The following TNPO1 variants were observed in gnomAD, a reference collection of about 807,000 sequenced individuals.
The protein encoded by TNPO1 is transportin-1.
TNPO1 carries 8 observed loss-of-function variants against 119.5 expected under a neutral mutation model. That is an observed-to-expected ratio of 0.07 (90% confidence interval 0.04 to 0.12). The LOEUF is 0.12. TNPO1 is among the 10% of genes least tolerant of loss of function. The pLI, the probability that TNPO1 is intolerant of heterozygous loss-of-function variation, is 1.00. For missense variants in TNPO1, 576 were observed against 1,089.8 expected (o/e 0.53, Z 6.64); for synonymous variants, 362 against 363.0 (o/e 1.00, Z 0.03).
At chr5:72,903,591 A>T (rs1388954867) in intron 22 of TNPO1, 118 bp from the exon 23 acceptor site, 3 of 667,332 alleles carry the variant, frequency 4.5e-6, no homozygotes, top group African/African-American at 1.8e-5. Context: ...TTAATTTTTA[A>T]ATGTTTCCTT....
chr5:72,837,068 C>G (rs1223199381), intron 1 of TNPO1, among the ~76,000 whole-genome samples: 1 of 152,190 alleles, frequency 6.6e-6, no homozygotes, highest in Non-Finnish European at 1.5e-5. Flanking sequence ...CCTTTACCAT[C>G]CAACCTTTAC....
chr5:72,905,523 A>G lies in TNPO1; in HGVS notation c.*35+78A>G. The G allele has an allele frequency of 2.5e-5, 16 of 630,934 alleles. No homozygotes were observed. In the South Asian group the frequency reaches 3.2e-4, roughly 12 times the overall value. 39.1% of individuals were successfully genotyped at this position (630,934 alleles called of 1,614,324 possible). A position where few individuals can be genotyped will look rare whatever the true frequency, so the allele number is the denominator to read the frequency against. ...CTGTCATTTCAAACTACTAAATAGA[A>G]TAAAAAGCTATTTGTTTTCTATAGA... is the stretch of plus-strand genomic sequence containing the variant. On this transcript the variant is annotated intron_variant, in intron 24 of 24. Coordinates refer to ENST00000337273, the MANE Select transcript of TNPO1 (RefSeq NM_002270.4).
At chr5:72,880,290 A>G (rs764799065) in intron 9 of TNPO1, among the ~76,000 whole-genome samples, 3 of 151,900 alleles carry the variant, frequency 2.0e-5, no homozygotes, top group Non-Finnish European at 4.4e-5. Context: ...AACTAGTACT[A>G]TTTTTATTAT....
At chr5:72,890,646 G>A (rs947432313) in intron 14 of TNPO1, among the ~76,000 whole-genome samples, 1 of 152,146 alleles carries the variant, frequency 6.6e-6, no homozygotes, top group African/African-American at 2.4e-5. Flanking sequence ...TTTGGCTTTT[G>A]TGGGGGTTTG....
At position 72,909,751 on chromosome 5, in the gene TNPO1, A is replaced by C. The variant is rs190069760; in HGVS notation, c.*1078A>C. 3 of 152,726 alleles carry C rather than the reference A, an allele frequency of 2.0e-5. No individual in the cohort carries two copies. In the East Asian group the frequency reaches 5.8e-4, roughly 29 times the overall value. 9.5% of individuals were successfully genotyped at this position (152,726 alleles called of 1,614,324 possible). A position where few individuals can be genotyped will look rare whatever the true frequency, so the allele number is the denominator to read the frequency against. On this transcript the variant is annotated 3_prime_UTR_variant, in exon 25 of 25. Coordinates refer to ENST00000337273, the MANE Select transcript of TNPO1 (RefSeq NM_002270.4). ...TATTAAGAACATAGATATATAAAGT[A>C]CTGTAGTTTACAGGTAGGCCTTGAA...
chr5:72,837,235 TTC>T (rs1202457866), intron 1 of TNPO1, among the ~76,000 whole-genome samples: 32 of 152,204 alleles, frequency 2.1e-4, no homozygotes, highest in African/African-American at 7.7e-4. Context: ...TTTCTCACAC[TTC>T]TGGAAGCTGG....
At chr5:72,894,666 G>A (rs1382811207) in intron 18 of TNPO1, among the ~76,000 whole-genome samples, 3 of 151,922 alleles carry the variant, frequency 2.0e-5, no homozygotes, top group African/African-American at 7.3e-5. Flanking sequence ...GCAAGACTCC[G>A]TCTCAAAAAA....
intron 2 of TNPO1, 23 bp from the exon 3 acceptor site, chr5:72,851,221 T>A: frequency 6.9e-7 from 1 of 1,442,476 alleles, no homozygotes; most frequent in Non-Finnish European, 9.7e-7. Flanking sequence ...CAGAGAAGTT[T>A]CCTTAACTAC....
rs541080649 is a variant in TNPO1 at position 72,864,139 on chromosome 5, A to T, written c.463-1457A>T. ...AGGCTTTCAGAAGTAAAGCTTTTTT[A>T]AAAAAAAAACCTTAACAATTGAATA... On this transcript the variant is annotated intron_variant, in intron 5 of 24. Transcript: ENST00000337273. Among the ~76,000 whole-genome samples the T allele has an allele frequency of 2.4e-3, 351 of 147,802 alleles. 1 individual carries two copies. The highest frequency in any genetic ancestry group is 7.6e-3 in the African/African-American group (300 of 39,604).
rs1454545460 is a variant in TNPO1 at position 72,816,714 on chromosome 5, G to A, written c.-24G>A. The stretch of plus-strand genomic sequence containing the variant: ...GGAGGCAGTGCCGCTTCGGCCGAAG[G>A]CCCGAGCGCCCGAGGCGTCTGGGAT... On this transcript the variant is annotated 5_prime_UTR_variant, in exon 1 of 25. Transcript: ENST00000337273. The A allele has an allele frequency of 8.3e-6, 13 of 1,567,610 alleles. No individual in the cohort carries two copies. Among genetic ancestry groups the A allele is most frequent in the Non-Finnish European group, 1.1e-5 (13 of 1,159,172 alleles).
At position 72,905,368 on chromosome 5, in the gene TNPO1, T is replaced by A; in HGVS notation, c.2655T>A (p.Pro885=). 6.2e-7 allele frequency: 1 copy of A among 1,612,196 alleles called. No homozygotes were observed. The highest frequency in any genetic ancestry group is 8.5e-7 in the Non-Finnish European group (1 of 1,179,782). The stretch of plus-strand genomic sequence containing the variant: ...GGAGGCGTTTCTCTGACCAGTTTCC[T>A]CTTCCCTTAAAAGAGCGTCTTGCAG... ...ENWRRFSDQF[P]LPLKERLAAF... The change falls in exon 24 of 25, where the codon CCT becomes CCA. Residue 885 remains proline (P), a synonymous_variant. Coordinates refer to ENST00000337273, the MANE Select transcript of TNPO1 (RefSeq NM_002270.4).
intron 1 of TNPO1, among the ~76,000 whole-genome samples, chr5:72,827,270 A>AC (rs1222015456): frequency 6.6e-6 from 1 of 152,230 alleles, no homozygotes; most frequent in Non-Finnish European, 1.5e-5. Context: ...ATGGGCAGGC[A>AC]CCCATGTTAG....
Position 72,883,520 on chromosome 5 carries a change from A to G in TNPO1, c.1150+288A>G, listed in dbSNP as rs1279008583. Among the ~76,000 whole-genome samples, 6 of 152,308 alleles carry G rather than the reference A, an allele frequency of 3.9e-5. No homozygotes were observed. The South Asian group carries it at 6.2e-4, about 16-fold the overall frequency. ...CATTTCATGTAAATGGAGTCATACA[A>G]TGCATTGTCCTTTGTGACCATCTTC... On this transcript the variant is annotated intron_variant, in intron 11 of 24. Transcript: ENST00000337273.
intron 2 of TNPO1, among the ~76,000 whole-genome samples, chr5:72,850,595 G>A (rs547535067): frequency 1.3e-5 from 2 of 152,282 alleles, no homozygotes; most frequent in East Asian, 1.9e-4. Context: ...ATGTAATAGA[G>A]CATTTTGTCA....
chr5:72,832,765 T>C (rs374336607), intron 1 of TNPO1, among the ~76,000 whole-genome samples: 46 of 152,254 alleles, frequency 3.0e-4, no homozygotes, highest in East Asian at 9.6e-4. Context: ...TTGGAAAAGA[T>C]AGGGGAAGAG....
At chr5:72,894,541 T>C (rs1749285409) in intron 18 of TNPO1, among the ~76,000 whole-genome samples, 1 of 152,158 alleles carries the variant, frequency 6.6e-6, no homozygotes, top group Non-Finnish European at 1.5e-5. Flanking sequence ...CGTGGTGGCT[T>C]GTGCCTGTAG....
chr5:72,862,742 A>T (rs1424758402), intron 5 of TNPO1, among the ~76,000 whole-genome samples: 1 of 151,882 alleles, frequency 6.6e-6, no homozygotes, highest in African/African-American at 2.4e-5. Context: ...GCCTCCCAGA[A>T]TCAAGTGATT....
At chr5:72,818,987 A>G (rs939463530) in intron 1 of TNPO1, among the ~76,000 whole-genome samples, 2 of 152,242 alleles carry the variant, frequency 1.3e-5, no homozygotes, top group Non-Finnish European at 2.9e-5. Flanking sequence ...GAGCTTCACA[A>G]TGGAAGACAG....
At chr5:72,902,886 A>C (rs909283586) in intron 22 of TNPO1, among the ~76,000 whole-genome samples, 3 of 152,186 alleles carry the variant, frequency 2.0e-5, no homozygotes, top group African/African-American at 7.2e-5. Flanking sequence ...AATTGTGTTA[A>C]GCAAATCTTT....
Sources: gnomAD v4.1 joint callset for allele counts (sites outside exome capture counted in the v4.1 genomes callset) on GRCh38, gnomAD v4.1.1 for gene constraint, MANE v1.5 for transcripts, NCBI Gene and HGNC (gene_info 2026-07-23, HGNC 2026-07-21) for gene names.